AKAP13: variants seen among roughly 807,000 people sequenced by gnomAD.
AKAP13 encodes the protein A-kinase anchor protein 13.
AKAP13 carries 80 observed loss-of-function variants against 264.5 expected under a neutral mutation model. The observed-to-expected ratio is 0.30, with a 90% CI of 0.25 to 0.36. The LOEUF is 0.36. AKAP13 is among the 10% of genes least tolerant of loss of function. AKAP13 has a pLI of 1.00. For missense variants in AKAP13, 3,712 were observed against 3,435.2 expected (o/e 1.08, Z -2.01); for synonymous variants, 1,380 against 1,250.2 (o/e 1.10, Z -2.19).
rs1201542250 is a variant in AKAP13, at chr15:85,745,321, A to C, written c.*644A>C. 1 of 152,134 alleles carries C rather than the reference A, an allele frequency of 6.6e-6. No individual in the cohort carries two copies. Among genetic ancestry groups the C allele is most frequent in the Admixed American group, 6.5e-5 (1 of 15,268 alleles). 9.4% of individuals were successfully genotyped at this position (152,134 alleles called of 1,614,324 possible). A position where few individuals can be genotyped will look rare whatever the true frequency, so the allele number is the denominator to read the frequency against. On this transcript the variant is annotated 3_prime_UTR_variant, in exon 37 of 37. Transcript: ENST00000394518. ...ATGTATTTCTCATTTCATTTTAGGG[A>C]TGACAAACATTTGTGAAACCAGTGA...
rs2089224125 is a variant in AKAP13, at chr15:85,743,686, C to A, written c.8253C>A (p.Ser2751Arg). The change falls in exon 36 of 37, where the codon AGC becomes AGA. Residue 2751 changes from serine to arginine, a missense_variant. This residue lies in a region of AKAP13 where 611 missense variants were observed against 539.3 expected (regional missense o/e 1.13). Transcript: ENST00000394518. ...CTTTTCACATACTGAGTTCAACCAGCCAGACAAACAAAGGACCAGAAGGGC... is the reference window on the plus strand; with the variant it reads ...CTTTTCACATACTGAGTTCAACCAGACAGACAAACAAAGGACCAGAAGGGC... Reference protein sequence around the residue: ...KGPFHILSSTSQTNKGPEGQS... With the variant: ...KGPFHILSSTRQTNKGPEGQS... The A allele has an allele frequency of 3.1e-6, 5 of 1,614,166 alleles. No individual in the cohort carries two copies. The highest frequency in any genetic ancestry group is 4.2e-6 in the Non-Finnish European group (5 of 1,180,044).
At chr15:85,642,539 C>G (rs760865762) in intron 9 of AKAP13, among the ~76,000 whole-genome samples, 10 of 152,364 alleles carry the variant, frequency 6.6e-5, no homozygotes, top group Admixed American at 1.3e-4. Context: ...GGATTCCCCC[C>G]ACCTCCCCCC....
intron 17 of AKAP13, among the ~76,000 whole-genome samples, chr15:85,704,373 GGTTT>G (rs747569966): frequency 6.6e-6 from 1 of 152,040 alleles, no homozygotes; most frequent in Non-Finnish European, 1.5e-5. Flanking sequence ...CCTCGCTAAT[GGTTT>G]GTTTTATTTT....
intron 17 of AKAP13, among the ~76,000 whole-genome samples, chr15:85,696,002 C>T (rs1240988189): frequency 1.3e-5 from 2 of 152,176 alleles, no homozygotes. Context: ...ATAGCATGTT[C>T]ACCTATTATT....
intron 2 of AKAP13, among the ~76,000 whole-genome samples, chr15:85,496,609 G>T (rs567016222): frequency 6.6e-6 from 1 of 152,320 alleles, no homozygotes; most frequent in East Asian, 1.9e-4. Context: ...TAATGGCACA[G>T]TTTTATCGTT....
At chr15:85,522,993 A>G (rs2151160722) in intron 3 of AKAP13, among the ~76,000 whole-genome samples, 1 of 140,026 alleles carries the variant, frequency 7.1e-6, no homozygotes, top group Non-Finnish European at 1.5e-5. Context: ...GAATTTAGTC[A>G]GGCAGCTGAT....
At chr15:85,591,218 G>A (rs1159612770) in intron 8 of AKAP13, among the ~76,000 whole-genome samples, 1 of 8,028 alleles carries the variant, frequency 1.2e-4, no homozygotes, top group African/African-American at 5.6e-4. Context: ...CAATTTCTAT[G>A]TGAATAATTT....
At chr15:85,403,482 A>G (rs1160590920) in intron 1 of AKAP13, among the ~76,000 whole-genome samples, 1 of 152,176 alleles carries the variant, frequency 6.6e-6, no homozygotes, top group African/African-American at 2.4e-5. Flanking sequence ...CTATTTCAAG[A>G]TGGCATGGTC....
At chr15:85,548,939 A>G (rs1254696099) in intron 5 of AKAP13, among the ~76,000 whole-genome samples, 3 of 151,520 alleles carry the variant, frequency 2.0e-5, no homozygotes, top group Non-Finnish European at 4.4e-5. Flanking sequence ...AAGAAGAAGA[A>G]GAGGACTGTC....
chr15:85,614,796 C>T (rs2080863540), intron 8 of AKAP13, among the ~76,000 whole-genome samples: 1 of 152,094 alleles, frequency 6.6e-6, no homozygotes, highest in Non-Finnish European at 1.5e-5. Flanking sequence ...GCTACTTTTC[C>T]TCATCTGTAA....
At chr15:85,630,487 C>G (rs914230961) in intron 8 of AKAP13, among the ~76,000 whole-genome samples, 2 of 152,156 alleles carry the variant, frequency 1.3e-5, no homozygotes, top group Non-Finnish European at 2.9e-5. Context: ...GGCTTATTGA[C>G]CGACCTAACA....
chr15:85,727,326 C>A lies in AKAP13; in HGVS notation c.7005-55C>A. 1 of 1,613,386 alleles carries A rather than the reference C, an allele frequency of 6.2e-7. No homozygotes were observed. Among genetic ancestry groups the A allele is most frequent in the Non-Finnish European group, 8.5e-7 (1 of 1,179,502 alleles). ...ATTTCATAACAGGCTGGACTGTGAC[C>A]AGAGTAATTGACATCTTAGGAATTT... On this transcript the variant is annotated intron_variant, in intron 28 of 36. Coordinates refer to ENST00000394518, the MANE Select transcript of AKAP13 (RefSeq NM_007200.5). This position sits in a 1 kb window ranked among gnomAD's most constrained non-coding sequence, Gnocchi z 5.3.
chr15:85,735,694 A>C, intron 32 of AKAP13, 64 bp downstream of exon 32: 1 of 1,463,462 alleles, frequency 6.8e-7, no homozygotes, highest in South Asian at 1.2e-5. Context: ...ATAACCTTTG[A>C]AATTATTTCA....
chr15:85,520,532 A>AAT, intron 2 of AKAP13: 1 of 377,828 alleles, frequency 2.6e-6, no homozygotes, highest in Non-Finnish European at 5.1e-6. Context: ...AGCAACTGAA[A>AAT]GACAAAGATG....
chr15:85,578,642 C>T (rs562736420), intron 6 of AKAP13, among the ~76,000 whole-genome samples: 2 of 152,196 alleles, frequency 1.3e-5, no homozygotes, highest in African/African-American at 4.8e-5. Context: ...CCATGCCCGG[C>T]GAGACTCAGT....
chr15:85,742,139 AAG>A (rs2089063218), intron 35 of AKAP13, among the ~76,000 whole-genome samples: 1 of 152,242 alleles, frequency 6.6e-6, no homozygotes, highest in South Asian at 2.1e-4. Context: ...GAGGCTGAAA[AAG>A]AGAATGGAAG....
chr15:85,465,977 A>G (rs1250118045), intron 1 of AKAP13, among the ~76,000 whole-genome samples: 1 of 151,242 alleles, frequency 6.6e-6, no homozygotes, highest in Non-Finnish European at 1.5e-5. Context: ...CAACAGTGTA[A>G]AAGTGTTCCT....
In AKAP13 at chr15:85,581,561, G is replaced by C. The variant is rs1392007821; in HGVS notation, c.3493G>C (p.Ala1165Pro). Residue 1165 changes from alanine (A) to proline (P), a missense_variant, in exon 7 of 37, where the codon GCA (alanine) becomes CCA (proline). Transcript: ENST00000394518. Reference protein sequence around the residue: ...LDWEKGKLEGADHSCTMGDAE... With the variant: ...LDWEKGKLEGPDHSCTMGDAE... ...TTGGGAGAAAGGGAAGCTGGAGGGA[G>C]CAGACCACAGCTGTACCATGGGTGA... 1 of 1,614,168 alleles carries C rather than the reference G, an allele frequency of 6.2e-7. No homozygotes were observed. Among genetic ancestry groups the C allele is most frequent in the Non-Finnish European group, 8.5e-7 (1 of 1,180,032 alleles).
At chr15:85,508,331 TG>T (rs2076303063) in intron 2 of AKAP13, among the ~76,000 whole-genome samples, 1 of 151,900 alleles carries the variant, frequency 6.6e-6, no homozygotes, top group South Asian at 2.1e-4. Context: ...TTTGTAGAGA[TG>T]GGGTTTTGCT....
Sources: gnomAD v4.1 joint callset for allele counts (sites outside exome capture counted in the v4.1 genomes callset) on GRCh38, gnomAD v4.1.1 for gene constraint, gnomAD v4.1.1 regional missense constraint, Gnocchi (gnomAD v3.1) non-coding constraint, MANE v1.5 for transcripts, NCBI Gene and HGNC (gene_info 2026-07-23, HGNC 2026-07-21) for gene names.